PGBD2: variants seen among roughly 807,000 people sequenced by gnomAD.
The protein encoded by PGBD2 is piggyBac transposable element derived 2.
Under a neutral mutation model 8.1 loss-of-function variants are expected in PGBD2, and 6 were observed. The observed-to-expected ratio is 0.74, with a 90% CI of 0.40 to 1.46. PGBD2 has a LOEUF of 1.46. PGBD2 is among the 40% of genes most tolerant of loss of function. The probability of loss-of-function intolerance (pLI) is 0.02; values close to 1 mark genes in which losing one functional copy is unlikely to be tolerated. For missense variants in PGBD2, 802 were observed against 739.0 expected (o/e 1.09, Z -0.99); for synonymous variants, 318 against 272.2 (o/e 1.17, Z -1.66).
the PGBD2 span, among the ~76,000 whole-genome samples, chr1:248,889,566 T>A: frequency 1.3e-5 from 2 of 152,122 alleles, no homozygotes; most frequent in African/African-American, 4.8e-5. Context: ...GCTTCATGCA[T>A]TTCAAGGAAA....
At chr1:248,900,537 C>T in the PGBD2 span, among the ~76,000 whole-genome samples, 1 of 152,116 alleles carries the variant, frequency 6.6e-6, no homozygotes, top group Non-Finnish European at 1.5e-5. Flanking sequence ...TTGATAAAAT[C>T]CAACATCCTT....
At chr1:248,929,342 C>T in the PGBD2 span, among the ~76,000 whole-genome samples, 3 of 152,274 alleles carry the variant, frequency 2.0e-5, no homozygotes, top group South Asian at 2.1e-4. Context: ...TTTCCACCAC[C>T]TTCATTCTAC....
At chr1:248,877,941 T>A in the PGBD2 span, among the ~76,000 whole-genome samples, 1 of 152,230 alleles carries the variant, frequency 6.6e-6, no homozygotes. Flanking sequence ...AGAATATTAA[T>A]GCAATGACTA....
At chr1:248,873,867 G>A in the PGBD2 span, among the ~76,000 whole-genome samples, 3 of 152,222 alleles carry the variant, frequency 2.0e-5, no homozygotes, top group Admixed American at 6.5e-5. Flanking sequence ...CAGGATGGCC[G>A]AGTGGTCTAA....
chr1:248,904,814 T>C (rs1037789905), upstream of PGBD2, among the ~76,000 whole-genome samples: 1 of 152,244 alleles, frequency 6.6e-6, no homozygotes, highest in Admixed American at 6.5e-5. Context: ...AACAGTCTTA[T>C]TGGTCCCCTT....
chr1:248,907,530 T>C (rs893900908), intron 1 of PGBD2, among the ~76,000 whole-genome samples: 5 of 152,022 alleles, frequency 3.3e-5, no homozygotes, highest in African/African-American at 1.2e-4. Flanking sequence ...GAGGCTGTAT[T>C]TCAGACTATC....
chr1:248,910,144 CTGTT>C (rs1661813772), intron 1 of PGBD2, among the ~76,000 whole-genome samples: 1 of 152,194 alleles, frequency 6.6e-6, no homozygotes. Context: ...AGAAGTCAGA[CTGTT>C]TGAGTTTTAT....
chr1:248,909,258 C>T (rs1198996074), intron 1 of PGBD2, among the ~76,000 whole-genome samples: 1 of 152,130 alleles, frequency 6.6e-6, no homozygotes, highest in Non-Finnish European at 1.5e-5. Flanking sequence ...CTACAGACTC[C>T]TGAAAGGTAG....
chr1:248,929,843 C>G, the PGBD2 span, among the ~76,000 whole-genome samples: 1 of 152,184 alleles, frequency 6.6e-6, no homozygotes, highest in Admixed American at 6.5e-5. Flanking sequence ...TGAAGAAATG[C>G]ACGTCTTTTT....
chr1:248,912,282 T>A (rs895338861), intron 1 of PGBD2, among the ~76,000 whole-genome samples: 1 of 152,196 alleles, frequency 6.6e-6, no homozygotes, highest in African/African-American at 2.4e-5. Context: ...ACTGACAGGG[T>A]CAGGGCGACT....
At chr1:248,891,627 C>G in the PGBD2 span, among the ~76,000 whole-genome samples, 1 of 152,252 alleles carries the variant, frequency 6.6e-6, no homozygotes, top group African/African-American at 2.4e-5. Context: ...CCCAGGAGTT[C>G]AAGACCAGCC....
chr1:248,905,741 G>A (rs1488779943), upstream of PGBD2, among the ~76,000 whole-genome samples: 1 of 152,158 alleles, frequency 6.6e-6, no homozygotes, highest in East Asian at 1.9e-4. Context: ...GAATTATCCA[G>A]GCCCAAAATG....
At chr1:248,892,265 CCCTCCCTCCCTT>C in the PGBD2 span, among the ~76,000 whole-genome samples, 6 of 114,912 alleles carry the variant, frequency 5.2e-5, no homozygotes, top group East Asian at 1.6e-3. Flanking sequence ...CTCCCTCCCT[CCCTCCCTCCCTT>C]CCTTCCTTCC....
At chr1:248,913,345 A>G (rs1661977923) in intron 1 of PGBD2, among the ~76,000 whole-genome samples, 1 of 152,186 alleles carries the variant, frequency 6.6e-6, no homozygotes, top group African/African-American at 2.4e-5. Flanking sequence ...GGTGTTCTGC[A>G]CTTTCTCTCT....
Position 248,917,483 on chromosome 1 carries a change from C to T in PGBD2, c.899C>T (p.Thr300Ile), listed in dbSNP as rs754876950. ...CTTGGCTACAAGATTTGGTGTGGGA[C>T]AACCAGCAGAGGCTACTTGGTGTGG... is the stretch of plus-strand genomic sequence containing the variant. ...VRLGYKIWCG[T>I]TSRGYLVWFE... Residue 300 changes from threonine to isoleucine, a missense_variant, in exon 3 of 3, where the codon ACA becomes ATA. Coordinates refer to ENST00000329291, the MANE Select transcript of PGBD2 (RefSeq NM_170725.3). 6.2e-7 allele frequency: 1 copy of T among 1,614,112 alleles called. No individual in the cohort carries two copies. Among genetic ancestry groups the T allele is most frequent in the Admixed American group, 1.7e-5 (1 of 60,016 alleles).
the PGBD2 span, among the ~76,000 whole-genome samples, chr1:248,928,324 A>G: frequency 1.3e-5 from 2 of 152,148 alleles, no homozygotes; most frequent in African/African-American, 4.8e-5. Flanking sequence ...CCACTTCCTT[A>G]TGGACTGAAA....
the PGBD2 span, among the ~76,000 whole-genome samples, chr1:248,879,633 T>G: frequency 5.3e-5 from 8 of 152,106 alleles, no homozygotes; most frequent in African/African-American, 1.9e-4. Flanking sequence ...CTCCTGTGCT[T>G]AAGCAATCTT....
the PGBD2 span, among the ~76,000 whole-genome samples, chr1:248,880,278 T>A: frequency 6.6e-6 from 1 of 152,244 alleles, no homozygotes. Context: ...CCAATTTGGA[T>A]ACCTGTCAGT....
chr1:248,918,078 A>G lies in PGBD2; in HGVS notation c.1494A>G (p.Ala498=). Residue 498 remains alanine (A), a synonymous_variant, in exon 3 of 3, where the codon GCA becomes GCG. Transcript: ENST00000329291. The stretch of plus-strand genomic sequence containing the variant: ...TCATTGATGCTGCCCTCAACAATGC[A>G]TGGCAGCTGCATAGAATCTGCTGCC... ...GYVIDAALNN[A]WQLHRICCQD... 2.5e-6 allele frequency: 4 copies of G among 1,614,222 alleles called. No individual in the cohort carries two copies. Among genetic ancestry groups the G allele is most frequent in the Middle Eastern group, 1.6e-4 (1 of 6,062 alleles).
Sources: gnomAD v4.1 joint callset for allele counts (sites outside exome capture counted in the v4.1 genomes callset) on GRCh38, gnomAD v4.1.1 for gene constraint, MANE v1.5 for transcripts, NCBI Gene and HGNC (gene_info 2026-07-23, HGNC 2026-07-21) for gene names.